The following ARHGEF1 variants were observed in gnomAD, a reference collection of about 807,000 sequenced individuals.
The protein encoded by ARHGEF1 is Rho guanine nucleotide exchange factor 1, also known as 115 kDa guanine nucleotide exchange factor.
A neutral mutation model predicts 119.7 loss-of-function variants in ARHGEF1; 40 were observed. The observed-to-expected ratio is 0.33, with a 90% CI of 0.26 to 0.44. ARHGEF1 has a LOEUF of 0.44. Among genes scored for constraint, ARHGEF1 ranks in the 20% least tolerant of loss-of-function variants. The pLI, the probability that ARHGEF1 is intolerant of heterozygous loss-of-function variation, is 1.00. For missense variants in ARHGEF1, 976 were observed against 1,268.3 expected (o/e 0.77, Z 3.50); for synonymous variants, 494 against 521.0 (o/e 0.95, Z 0.71).
At chr19:41,914,322 C>G (rs1555851567) in intron 18 of ARHGEF1, among the ~76,000 whole-genome samples, 1 of 151,352 alleles carries the variant, frequency 6.6e-6, no homozygotes, top group African/African-American at 2.4e-5. Context: ...CTTCCGTCTC[C>G]CCCCACCATC....
chr19:41,913,577 G>A (rs1021712807), intron 18 of ARHGEF1, among the ~76,000 whole-genome samples: 8 of 151,218 alleles, frequency 5.3e-5, no homozygotes, highest in African/African-American at 1.9e-4. Flanking sequence ...CCAGCGCCCT[G>A]CAGGAGGCCT....
chr19:41,899,656 T>C (rs1253736842), intron 14 of ARHGEF1, among the ~76,000 whole-genome samples: 1 of 151,864 alleles, frequency 6.6e-6, no homozygotes, highest in Non-Finnish European at 1.5e-5. Flanking sequence ...ATTACAGGCA[T>C]GTGCCACCAC....
chr19:41,898,195 A>T, intron 13 of ARHGEF1: 1 of 1,410,024 alleles, frequency 7.1e-7, no homozygotes, highest in Non-Finnish European at 9.2e-7. Context: ...TCACAGAGGA[A>T]TGGGCGTTGG....
chr19:41,904,312 C>A lies in ARHGEF1; in HGVS notation c.2090C>A (p.Thr697Lys). 1 of 1,609,792 alleles carries A rather than the reference C, an allele frequency of 6.2e-7. No homozygotes were observed. The highest frequency in any genetic ancestry group is 8.5e-7 in the Non-Finnish European group (1 of 1,179,056). The change falls in exon 22 of 29, where the codon ACG (threonine) becomes AAG (lysine). Residue 697 changes from threonine to lysine, a missense_variant. Around this residue, in one of 3 missense-constraint regions of ARHGEF1, gnomAD observed 286 missense variants for 506.8 expected, o/e 0.56. Transcript: ENST00000354532. The surrounding 1 kb of genome is among the most constrained non-coding windows in gnomAD (Gnocchi z 8.4). ...TCCCATAGCCGGACACTGACGCCCA[C>A]GCCCGATGGCAAGACCATGCTGCGG... is the stretch of plus-strand genomic sequence containing the variant. ...LKSHSRTLTPTPDGKTMLRPV... is the reference protein window; with the variant it reads ...LKSHSRTLTPKPDGKTMLRPV...
At chr19:41,922,904 G>A (rs578184447), upstream of ARHGEF1, among the ~76,000 whole-genome samples, 52 of 152,334 alleles carry the variant, frequency 3.4e-4, no homozygotes, top group African/African-American at 1.2e-3. Context: ...CCATGCCCAG[G>A]CCTGGGCTGG....
intron 12 of ARHGEF1, among the ~76,000 whole-genome samples, chr19:41,895,899 C>T (rs1292905372): frequency 1.3e-5 from 2 of 152,116 alleles, no homozygotes; most frequent in Non-Finnish European, 2.9e-5. Flanking sequence ...GCCCTTGGAT[C>T]TCTGCATGGC....
rs1170182227 is a variant in ARHGEF1, at chr19:41,907,173, C to T, written c.*86C>T. On this transcript the variant is annotated 3_prime_UTR_variant, in exon 29 of 29. Transcript: ENST00000354532. ...ACCACCCCCACCCACACAGCTGCCG[C>T]AGCATCTCACACCCCGAGGGCCTGA... The T allele has an allele frequency of 1.4e-5, 22 of 1,529,494 alleles. No individual in the cohort carries two copies. Among genetic ancestry groups the T allele is most frequent in the African/African-American group, 5.5e-5 (4 of 72,688 alleles). The allele number at this position is 1,529,494 out of a possible 1,614,324, so 94.7% of individuals were successfully genotyped here.
rs782344428 is a variant in ARHGEF1 at position 41,907,188 on chromosome 19, C to T, written c.*101C>T. 2.2e-5 allele frequency: 33 copies of T among 1,526,372 alleles called. No individual in the cohort carries two copies. The highest frequency in any genetic ancestry group is 1.7e-4 in the East Asian group (7 of 40,810). The allele number at this position is 1,526,372 out of a possible 1,614,324, so 94.6% of individuals were successfully genotyped here. ...ACAGCTGCCGCAGCATCTCACACCC[C>T]GAGGGCCTGAGGAGAGGGAGCTGTG... is the stretch of plus-strand genomic sequence containing the variant. On this transcript the variant is annotated 3_prime_UTR_variant, in exon 29 of 29. Coordinates refer to ENST00000354532, the MANE Select transcript of ARHGEF1 (RefSeq NM_004706.4).
upstream of ARHGEF1, among the ~76,000 whole-genome samples, chr19:41,921,529 CCGAGGTGGGGAAACACGGCAGAAGGAG>C (rs373602869): frequency 0.014 from 2,120 of 152,014 alleles, 51 homozygotes; most frequent in African/African-American, 0.048. The surrounding 1 kb of genome is among the most constrained non-coding windows in gnomAD (Gnocchi z 4.4). Context: ...AGGGGGAGAT[CCGAGGTGGGGAAACACGGCAGAAGGAG>C]CGAACCAGAG....
chr19:41,904,253 G>A lies in ARHGEF1; in HGVS notation c.2031G>A (p.Leu677=), dbSNP rs1555849656. ...TGCTGCTGGACGACCTGCTGCTGCT[G>A]CTCCAGCGCCAGGACGAGCGGCTGC... The part of the protein sequence containing the change: ...HVLLLDDLLL[L]LQRQDERLLL... Residue 677 remains leucine (L), a synonymous_variant, in exon 22 of 29, where the codon CTG becomes CTA. Transcript: ENST00000354532. This position sits in a 1 kb window ranked among gnomAD's most constrained non-coding sequence, Gnocchi z 8.4. The A allele has an allele frequency of 6.2e-7, 1 of 1,613,260 alleles. No homozygotes were observed. The highest frequency in any genetic ancestry group is 1.1e-5 in the South Asian group (1 of 91,072).
intron 13 of ARHGEF1, 43 bp downstream of exon 13, chr19:41,896,525 G>A: frequency 6.8e-7 from 1 of 1,465,494 alleles, no homozygotes; most frequent in Non-Finnish European, 9.3e-7. Context: ...TGGCTTACTG[G>A]GCGCTGGTGG....
chr19:41,906,265 C>A lies in ARHGEF1; in HGVS notation c.2492-192C>A. ...AACACATCTCTGTCTTCAGTACCTT[C>A]CTGCCCTGTCCCAACCCTAAACCCA... On this transcript the variant is annotated intron_variant, in intron 26 of 28. Coordinates refer to ENST00000354532, the MANE Select transcript of ARHGEF1 (RefSeq NM_004706.4). This position sits in a 1 kb window ranked among gnomAD's most constrained non-coding sequence, Gnocchi z 4.5. The A allele has an allele frequency of 1.5e-6, 1 of 667,434 alleles. No individual in the cohort carries two copies. The highest frequency in any genetic ancestry group is 2.6e-6 in the Non-Finnish European group (1 of 387,428). 41.3% of individuals were successfully genotyped at this position (667,434 alleles called of 1,614,324 possible). A position where few individuals can be genotyped will look rare whatever the true frequency, so the allele number is the denominator to read the frequency against.
In ARHGEF1 at chr19:41,902,327, G is replaced by A. The variant is rs782778338; in HGVS notation, c.1468G>A (p.Glu490Lys). ...KRRQESGYLI[E>K]EIGDVLLARF... ...GAGGCAGGAGAGTGGCTACCTCATC[G>A]AGGAGATCGGAGACGTGCTGCTGGC... Residue 490 changes from glutamate to lysine, a missense_variant, in exon 16 of 29, where the codon GAG becomes AAG. Physicochemically the swap from Glu to Lys is moderately conservative, Grantham distance 56. This residue lies in a region of ARHGEF1 where 286 missense variants were observed against 506.8 expected (regional missense o/e 0.56). Transcript: ENST00000354532. This position sits in a 1 kb window ranked among gnomAD's most constrained non-coding sequence, Gnocchi z 6.5. 6.3e-5 allele frequency: 102 copies of A among 1,613,994 alleles called. No homozygotes were observed. The highest frequency in any genetic ancestry group is 7.6e-5 in the Non-Finnish European group (90 of 1,180,058).
At chr19:41,885,674 A>G (rs913283108) in intron 1 of ARHGEF1, among the ~76,000 whole-genome samples, 1 of 152,112 alleles carries the variant, frequency 6.6e-6, no homozygotes, top group African/African-American at 2.4e-5. Flanking sequence ...GTTGGCCAGG[A>G]TGGTGTCGAT....
In ARHGEF1 at chr19:41,904,089, G is replaced by A. The variant is rs782575698; in HGVS notation, c.1972G>A (p.Val658Met). 3 of 1,614,198 alleles carry A rather than the reference G, an allele frequency of 1.9e-6. No individual in the cohort carries two copies. Among genetic ancestry groups the A allele is most frequent in the East Asian group, 4.5e-5 (2 of 44,880 alleles). ...LVHEGPLTWR[V>M]TKDKAVEVHV... ...CCACGAGGGCCCACTGACGTGGCGG[G>A]TGACTAAGGACAAGGCAGTGGGTGA... The change falls in exon 21 of 29, where the codon GTG becomes ATG. Residue 658 changes from valine (V) to methionine (M), a missense_variant. Val to Met is a conservative substitution (Grantham distance 21). Coordinates refer to ENST00000354532, the MANE Select transcript of ARHGEF1 (RefSeq NM_004706.4). This position sits in a 1 kb window ranked among gnomAD's most constrained non-coding sequence, Gnocchi z 8.4.
In ARHGEF1 at chr19:41,892,133, C is replaced by T. The variant is rs1208609619; in HGVS notation, c.324+10C>T. ...CCTGGAGAAGACAGCGGTGAGAGACCTTCAAGCTGCCCCAACCCTGCAATC... is the reference window on the plus strand; with the variant it reads ...CCTGGAGAAGACAGCGGTGAGAGACTTTCAAGCTGCCCCAACCCTGCAATC... On this transcript the variant is annotated intron_variant, in intron 5 of 28. Transcript: ENST00000354532. This position sits in a 1 kb window ranked among gnomAD's most constrained non-coding sequence, Gnocchi z 6.3. 1 of 1,609,728 alleles carries T rather than the reference C, an allele frequency of 6.2e-7. No individual in the cohort carries two copies. Among genetic ancestry groups the T allele is most frequent in the Non-Finnish European group, 8.5e-7 (1 of 1,177,170 alleles).
chr19:41,894,196 C>T lies in ARHGEF1; in HGVS notation c.645-11C>T, dbSNP rs1555846988. On this transcript the variant is annotated splice_polypyrimidine_tract_variant and intron_variant, in intron 8 of 28. Transcript: ENST00000354532. ...TGTGTGTGTTGAGCCCTCACTGTCC[C>T]TTCCCTACAGTGCTGCCGTGGTCAA... is the stretch of plus-strand genomic sequence containing the variant. 5 of 1,508,522 alleles carry T rather than the reference C, an allele frequency of 3.3e-6. No individual in the cohort carries two copies. The African/African-American group carries it at 5.7e-5, about 17-fold the overall frequency. 93.4% of individuals were successfully genotyped at this position (1,508,522 alleles called of 1,614,324 possible).
Position 41,903,982 on chromosome 19 carries a change from A to C in ARHGEF1, c.1918-53A>C. 13 of 1,543,744 alleles carry C rather than the reference A, an allele frequency of 8.4e-6. No homozygotes were observed. The highest frequency in any genetic ancestry group is 1.1e-5 in the South Asian group (1 of 89,276). ...TGCCCTGCCCTTCCCCTCCCCACCA[A>C]CCCCAATCACCCCCTGCCAACCTGC... On this transcript the variant is annotated intron_variant, in intron 20 of 28. Transcript: ENST00000354532. This position sits in a 1 kb window ranked among gnomAD's most constrained non-coding sequence, Gnocchi z 4.2.
chr19:41,906,099 C>CCACGTCAAAAATTTCCT lies in ARHGEF1; in HGVS notation c.2491+75_2491+91dup. ...TCTGTTCCAACTAGAACAAGGCTCT[C>CCACGTCAAAAATTTCCT]CACGTCAAAAATTTCCTTACGCCCA... On this transcript the variant is annotated intron_variant, in intron 26 of 28. Coordinates refer to ENST00000354532, the MANE Select transcript of ARHGEF1 (RefSeq NM_004706.4). This position sits in a 1 kb window ranked among gnomAD's most constrained non-coding sequence, Gnocchi z 4.5. 1 of 1,424,780 alleles carries CCACGTCAAAAATTTCCT rather than the reference C, an allele frequency of 7.0e-7. No individual in the cohort carries two copies. 88.3% of individuals were successfully genotyped at this position (1,424,780 alleles called of 1,614,324 possible). A position where few individuals can be genotyped will look rare whatever the true frequency, so the allele number is the denominator to read the frequency against.
Sources: gnomAD v4.1 joint callset for allele counts (sites outside exome capture counted in the v4.1 genomes callset) on GRCh38, gnomAD v4.1.1 for gene constraint, gnomAD v4.1.1 regional missense constraint, Gnocchi (gnomAD v3.1) non-coding constraint, MANE v1.5 for transcripts, NCBI Gene and HGNC (gene_info 2026-07-23, HGNC 2026-07-21) for gene names.